PTPRD: variants seen among roughly 807,000 people sequenced by gnomAD.
PTPRD encodes the protein receptor-type tyrosine-protein phosphatase delta.
PTPRD carries 34 observed loss-of-function variants against 214.5 expected under a neutral mutation model. The ratio of observed to expected loss-of-function variants is 0.16; its 90% CI spans 0.12 to 0.21. PTPRD has a LOEUF of 0.21. Among genes scored for constraint, PTPRD ranks in the 10% least tolerant of loss-of-function variants. The pLI is 1.00. For missense variants in PTPRD, 2,545 were observed against 2,398.7 expected (o/e 1.06, Z -1.27); for synonymous variants, 1,128 against 845.7 (o/e 1.33, Z -5.79).
At chr9:10,440,758 T>A (rs59387900) in intron 2 of PTPRD, among the ~76,000 whole-genome samples, 12,897 of 151,702 alleles carry the variant, frequency 0.085, 945 homozygotes, top group African/African-American at 0.19. Flanking sequence ...TGTGGGCAGT[T>A]TCTCAAATTA....
At chr9:9,363,235 T>C (rs1187071555) in intron 9 of PTPRD, among the ~76,000 whole-genome samples, 1 of 150,810 alleles carries the variant, frequency 6.6e-6, no homozygotes, top group Non-Finnish European at 1.5e-5. Context: ...CAAGAGCAAT[T>C]ACTGATCAAC....
chr9:8,679,628 T>C (rs1357453816), intron 12 of PTPRD, among the ~76,000 whole-genome samples: 2 of 152,232 alleles, frequency 1.3e-5, no homozygotes, highest in Non-Finnish European at 2.9e-5. Context: ...ACATGTGGTT[T>C]AGAATATAAA....
chr9:10,043,412 G>C lies in PTPRD; in HGVS notation c.-544-9622C>G, dbSNP rs190748213. ...CTTTAAATGTGATGTTTTATCTATG[G>C]GGAGTATTGCAGAAAACAAAGGCTG... On this transcript the variant is annotated intron_variant, in intron 3 of 45. Transcript: ENST00000381196. Among the ~76,000 whole-genome samples the C allele has an allele frequency of 9.9e-4, 150 of 151,870 alleles. 1 individual carries two copies. The highest frequency in any genetic ancestry group is 3.6e-3 in the African/African-American group (148 of 41,488).
intron 6 of PTPRD, among the ~76,000 whole-genome samples, chr9:9,760,906 G>T (rs1282459285): frequency 1.3e-5 from 2 of 152,142 alleles, no homozygotes; most frequent in African/African-American, 4.8e-5. Context: ...ACCACCAAAT[G>T]CTGGCAGGGA....
At chr9:9,666,417 G>A (rs1407551298) in intron 7 of PTPRD, among the ~76,000 whole-genome samples, 1 of 151,928 alleles carries the variant, frequency 6.6e-6, no homozygotes, top group Non-Finnish European at 1.5e-5. Flanking sequence ...ATCTTTCGTA[G>A]AGGAGAATGT....
At chr9:9,351,883 C>T (rs1412593057) in intron 9 of PTPRD, among the ~76,000 whole-genome samples, 1 of 151,944 alleles carries the variant, frequency 6.6e-6, no homozygotes, top group Non-Finnish European at 1.5e-5. Context: ...CATGAATATC[C>T]ACCTTGATGG....
At chr9:10,133,606 C>T (rs1196637842) in intron 3 of PTPRD, among the ~76,000 whole-genome samples, 1 of 151,948 alleles carries the variant, frequency 6.6e-6, no homozygotes, top group Non-Finnish European at 1.5e-5. Flanking sequence ...TAACTAATGA[C>T]TATATAGTAT....
chr9:10,264,054 T>C (rs1026837928), intron 3 of PTPRD, among the ~76,000 whole-genome samples: 1 of 152,138 alleles, frequency 6.6e-6, no homozygotes, highest in South Asian at 2.1e-4. Context: ...AAGTCAAGAA[T>C]TGAGGTTTGG....
intron 34 of PTPRD, among the ~76,000 whole-genome samples, chr9:8,441,473 T>C (rs1590571271): frequency 1.3e-5 from 2 of 151,962 alleles, no homozygotes; most frequent in African/African-American, 4.8e-5. Context: ...TGACTCAAAA[T>C]TTTGTTGAAA....
intron 9 of PTPRD, among the ~76,000 whole-genome samples, chr9:9,385,114 T>C (rs1161083595): frequency 2.0e-5 from 3 of 152,108 alleles, no homozygotes; most frequent in African/African-American, 7.2e-5. Flanking sequence ...TGCCAGGATG[T>C]AGACATAATA....
chr9:8,860,898 A>G (rs1586811478), intron 11 of PTPRD: 3 of 152,220 alleles, frequency 2.0e-5, no homozygotes, highest in Admixed American at 2.0e-4. Flanking sequence ...ATTCATCATC[A>G]CCTCCACATT....
chr9:8,784,891 C>CA (rs2095875149), intron 11 of PTPRD, among the ~76,000 whole-genome samples: 1 of 152,150 alleles, frequency 6.6e-6, no homozygotes, highest in Non-Finnish European at 1.5e-5. Flanking sequence ...GCGAGCCCCT[C>CA]AAAAACAAAC....
chr9:9,603,099 C>T (rs189794859), intron 7 of PTPRD, among the ~76,000 whole-genome samples: 1 of 152,124 alleles, frequency 6.6e-6, no homozygotes, highest in East Asian at 1.9e-4. Context: ...TAAAATGCTG[C>T]TAATATATGG....
chr9:8,599,613 CTTTTTTTTTT>C (rs1172437057), intron 14 of PTPRD, among the ~76,000 whole-genome samples: 6 of 53,442 alleles, frequency 1.1e-4, no homozygotes, highest in East Asian at 6.7e-4. Flanking sequence ...CCCGCCCACC[CTTTTTTTTTT>C]TTTTTTTTTT....
At chr9:8,461,542 A>C (rs563484056) in intron 32 of PTPRD, among the ~76,000 whole-genome samples, 23 of 151,494 alleles carry the variant, frequency 1.5e-4, no homozygotes, top group African/African-American at 5.6e-4. Flanking sequence ...ATCCATATCC[A>C]CTAACTGCCC....
chr9:10,243,871 C>A (rs2091594496), intron 3 of PTPRD, among the ~76,000 whole-genome samples: 1 of 152,028 alleles, frequency 6.6e-6, no homozygotes, highest in South Asian at 2.1e-4. Flanking sequence ...CTGGATTAAT[C>A]ATTTTTTTTT....
intron 4 of PTPRD, among the ~76,000 whole-genome samples, chr9:10,026,857 G>T (rs2096932368): frequency 6.7e-6 from 1 of 150,270 alleles, no homozygotes; most frequent in African/African-American, 2.5e-5. Flanking sequence ...TTGGTTTAGT[G>T]AGTGTCTTTC....
chr9:9,395,341 A>C (rs774098842), intron 9 of PTPRD, among the ~76,000 whole-genome samples: 20 of 152,120 alleles, frequency 1.3e-4, no homozygotes, highest in Admixed American at 2.6e-4. Context: ...TGATATAATC[A>C]CCAGGGAGCT....
chr9:8,457,775 A>G lies in PTPRD; in HGVS notation c.3875+2636T>C, dbSNP rs1312478437. Reference sequence around the variant, plus strand: ...CTCAAAGCAGTATTTGCATATGGGAAGTAAAATATTCTGACAATAATAATA... The same window carrying G: ...CTCAAAGCAGTATTTGCATATGGGAGGTAAAATATTCTGACAATAATAATA... On this transcript the variant is annotated intron_variant, in intron 33 of 45. Transcript: ENST00000381196. 2.6e-5 allele frequency among the ~76,000 whole-genome samples: 4 copies of G among 152,224 alleles called. No homozygotes were observed. The East Asian group carries it at 7.7e-4, about 29-fold the overall frequency.
Sources: gnomAD v4.1 joint callset for allele counts (sites outside exome capture counted in the v4.1 genomes callset) on GRCh38, gnomAD v4.1.1 for gene constraint, MANE v1.5 for transcripts, NCBI Gene and HGNC (gene_info 2026-07-23, HGNC 2026-07-21) for gene names.